SORCS2: variants seen among roughly 807,000 people sequenced by gnomAD.
SORCS2 encodes sortilin related VPS10 domain containing receptor 2.
Under a neutral mutation model 141.6 loss-of-function variants are expected in SORCS2, and 100 were observed. The ratio of observed to expected loss-of-function variants is 0.71; its 90% CI spans 0.60 to 0.83. SORCS2 has a LOEUF of 0.83. Ranked by LOEUF, SORCS2 falls within the 40% of genes least tolerant of loss-of-function variation. The probability of loss-of-function intolerance (pLI) is 0.00; values close to 1 mark genes in which losing one functional copy is unlikely to be tolerated. For synonymous variants in SORCS2, 789 were observed against 676.9 expected (o/e 1.17, Z -2.57); for missense variants, 1,646 against 1,560.2 (o/e 1.05, Z -0.93).
At chr4:7,546,314 C>T (rs888609163) in intron 3 of SORCS2, among the ~76,000 whole-genome samples, 1 of 152,194 alleles carries the variant, frequency 6.6e-6, no homozygotes, top group African/African-American at 2.4e-5. Context: ...GGTCCTGTGT[C>T]TTCTCCCCTT....
chr4:7,571,690 G>T (rs1369632789), intron 3 of SORCS2, among the ~76,000 whole-genome samples: 1 of 152,064 alleles, frequency 6.6e-6, no homozygotes, highest in Non-Finnish European at 1.5e-5. Context: ...AGAAATTGGG[G>T]GCCTGTGCTA....
At chr4:7,496,211 C>T (rs1235879966) in intron 2 of SORCS2, among the ~76,000 whole-genome samples, 2 of 152,164 alleles carry the variant, frequency 1.3e-5, no homozygotes, top group Admixed American at 6.5e-5. Context: ...GTCTATCACC[C>T]TCATCTCACG....
chr4:7,521,260 G>T (rs1377409148), intron 2 of SORCS2, among the ~76,000 whole-genome samples: 1 of 152,100 alleles, frequency 6.6e-6, no homozygotes, highest in African/African-American at 2.4e-5. Flanking sequence ...TCTGTGGGTC[G>T]TGGGTTCAGA....
chr4:7,454,075 G>T (rs1266253616), intron 2 of SORCS2, among the ~76,000 whole-genome samples: 2 of 128,872 alleles, frequency 1.6e-5, no homozygotes, highest in African/African-American at 6.2e-5. Flanking sequence ...TGTGTGTTGG[G>T]GTCAGGTGCT....
chr4:7,682,700 G>A, intron 9 of SORCS2, 43 bp from the exon 10 acceptor site: 1 of 1,571,236 alleles, frequency 6.4e-7, no homozygotes, highest in Non-Finnish European at 8.6e-7. Flanking sequence ...TCATCAGAGT[G>A]CTCCAGTGTA....
intron 2 of SORCS2, among the ~76,000 whole-genome samples, chr4:7,507,177 A>ATTTATTTATTTATTTAT: frequency 6.6e-6 from 1 of 150,706 alleles, no homozygotes; most frequent in Non-Finnish European, 1.5e-5. Flanking sequence ...CTTTTTTATT[A>ATTTATTTATTTATTTAT]TTATTTATTT....
chr4:7,730,746 G>A lies in SORCS2; in HGVS notation c.3108+1034G>A, dbSNP rs79689846. Among the ~76,000 whole-genome samples, 357 of 152,346 alleles carry A rather than the reference G, an allele frequency of 2.3e-3. 3 individuals carry two copies. Among genetic ancestry groups the A allele is most frequent in the East Asian group, 0.011 (57 of 5,188 alleles). On this transcript the variant is annotated intron_variant, in intron 23 of 26. Transcript: ENST00000507866. ...CAGGGGCTGGGGGAGGGCGCATGGC[G>A]AGTGACTGCTAAGGCTAGGGGATTC...
intron 1 of SORCS2, among the ~76,000 whole-genome samples, chr4:7,200,932 G>A (rs978487964): frequency 2.6e-5 from 4 of 152,160 alleles, no homozygotes; most frequent in African/African-American, 7.2e-5. Flanking sequence ...CTCAAGGCCC[G>A]GCTCGTGGTG....
At chr4:7,740,009 G>A (rs951269590) in intron 26 of SORCS2, among the ~76,000 whole-genome samples, 191 bp from the exon 27 acceptor site, 10 of 152,130 alleles carry the variant, frequency 6.6e-5, no homozygotes, top group African/African-American at 2.4e-4. Context: ...ATGGCACCGG[G>A]AGAGCCCACT....
intron 1 of SORCS2, among the ~76,000 whole-genome samples, chr4:7,343,719 T>C (rs966860394): frequency 1.3e-5 from 2 of 152,106 alleles, no homozygotes; most frequent in African/African-American, 2.4e-5. Context: ...CTGTGGCAGA[T>C]GGGGCCGCCA....
At chr4:7,326,334 C>G (rs558979576) in intron 1 of SORCS2, among the ~76,000 whole-genome samples, 68 of 152,168 alleles carry the variant, frequency 4.5e-4, no homozygotes, top group African/African-American at 1.6e-3. Flanking sequence ...CATCGGGTGG[C>G]TGCTTGCTTC....
At chr4:7,733,046 C>T (rs1711827469) in intron 23 of SORCS2, among the ~76,000 whole-genome samples, 1 of 151,024 alleles carries the variant, frequency 6.6e-6, no homozygotes, top group Admixed American at 6.6e-5. Flanking sequence ...CTCCCCACCC[C>T]TCTGGTGGAT....
rs558654189 is a variant in SORCS2, at chr4:7,308,838, C to G, written c.481-87450C>G. On this transcript the variant is annotated intron_variant, in intron 1 of 26. Transcript: ENST00000507866. ...CCTGTCTGTCCTCTTTCTGCTCTTC[C>G]TTGTGCCTCCCCAGGATAAAGCCAC... Among the ~76,000 whole-genome samples the G allele has an allele frequency of 2.0e-5, 3 of 152,258 alleles. No individual in the cohort carries two copies. In the East Asian group the frequency reaches 5.8e-4, roughly 29 times the overall value.
At chr4:7,529,741 C>T (rs999272024) in intron 2 of SORCS2, among the ~76,000 whole-genome samples, 2 of 152,180 alleles carry the variant, frequency 1.3e-5, no homozygotes, top group African/African-American at 4.8e-5. Flanking sequence ...TGGATCAGAT[C>T]GATCCTCTGC....
rs188310439 is a variant in SORCS2 at position 7,194,120 on chromosome 4, G to A, written c.480+994G>A. 3.3e-3 allele frequency among the ~76,000 whole-genome samples: 501 copies of A among 152,284 alleles called. 3 individuals are homozygous for A. Among genetic ancestry groups the A allele is most frequent in the African/African-American group, 0.011 (474 of 41,560 alleles). ...TTCCAGAGAAGGATTGGGATAGGGAGGTGGCAGCCATGAATCCCCAGAGGA... is the reference window on the plus strand; with the variant it reads ...TTCCAGAGAAGGATTGGGATAGGGAAGTGGCAGCCATGAATCCCCAGAGGA... On this transcript the variant is annotated intron_variant, in intron 1 of 26. Transcript: ENST00000507866.
At chr4:7,323,954 G>A (rs1247252915) in intron 1 of SORCS2, among the ~76,000 whole-genome samples, 2 of 152,166 alleles carry the variant, frequency 1.3e-5, no homozygotes, top group African/African-American at 2.4e-5. Flanking sequence ...ACTAACATTT[G>A]CAGAGACCCC....
intron 1 of SORCS2, among the ~76,000 whole-genome samples, chr4:7,199,303 T>C (rs773559352): frequency 6.6e-6 from 1 of 151,946 alleles, no homozygotes; most frequent in Non-Finnish European, 1.5e-5. Flanking sequence ...GTGGGGCCGG[T>C]GTGGAGGCAC....
intron 8 of SORCS2, among the ~76,000 whole-genome samples, chr4:7,670,698 A>G (rs577041167): frequency 2.6e-5 from 4 of 152,302 alleles, no homozygotes; most frequent in Non-Finnish European, 5.9e-5. Context: ...ATCAAAGTCG[A>G]TTTGGATAAT....
chr4:7,320,136 C>T (rs11349863), intron 1 of SORCS2, among the ~76,000 whole-genome samples: 1 of 64,054 alleles, frequency 1.6e-5, no homozygotes, highest in Non-Finnish European at 3.0e-5. Flanking sequence ...GACTTTGTCT[C>T]TACAAAAAAA....
Sources: gnomAD v4.1 joint callset for allele counts (sites outside exome capture counted in the v4.1 genomes callset) on GRCh38, gnomAD v4.1.1 for gene constraint, MANE v1.5 for transcripts, NCBI Gene and HGNC (gene_info 2026-07-23, HGNC 2026-07-21) for gene names.